Variants in PIAS2 observed in about 807,000 individuals in gnomAD.
PIAS2 encodes E3 SUMO-protein ligase PIAS2.
In PIAS2, 19 loss-of-function variants were observed where a neutral mutation model predicts 69.7. That is an observed-to-expected ratio of 0.27 (90% CI 0.19 to 0.40). PIAS2 has a LOEUF of 0.40. Ranked by LOEUF, PIAS2 falls within the 10% of genes least tolerant of loss-of-function variation. PIAS2 has a pLI of 1.00. For synonymous variants in PIAS2, 261 were observed against 263.2 expected, an observed-to-expected ratio of 0.99 and a Z score of 0.08; for missense variants, 624 against 757.0, an observed-to-expected ratio of 0.82 and a Z score of 2.06.
At chr18:46,916,069 T>A (rs146492009) in intron 1 of PIAS2, among the ~76,000 whole-genome samples, 1 of 152,166 alleles carries the variant, frequency 6.6e-6, no homozygotes, top group African/African-American at 2.4e-5. Flanking sequence ...CATAAACTAG[T>A]ATGGGGCATA....
At chr18:46,872,787 T>C (rs879665147) in intron 2 of PIAS2, among the ~76,000 whole-genome samples, 6 of 152,144 alleles carry the variant, frequency 3.9e-5, no homozygotes, top group Admixed American at 1.3e-4. Context: ...TGACTATGGA[T>C]TGATTAATAT....
chr18:46,841,133 A>C (rs1387376257), intron 8 of PIAS2, among the ~76,000 whole-genome samples: 1 of 152,196 alleles, frequency 6.6e-6, no homozygotes, highest in African/African-American at 2.4e-5. Context: ...TAAAATTCAG[A>C]TATGGTGTTC....
At chr18:46,841,641 C>T (rs1040219607) in intron 8 of PIAS2, among the ~76,000 whole-genome samples, 4 of 152,122 alleles carry the variant, frequency 2.6e-5, no homozygotes, top group African/African-American at 9.7e-5. Flanking sequence ...ACTACTATAG[C>T]CCAAAGAGTA....
chr18:46,859,427 C>CAAAAA (rs55776913), intron 3 of PIAS2, among the ~76,000 whole-genome samples: 18 of 89,554 alleles, frequency 2.0e-4, no homozygotes, highest in African/African-American at 3.0e-4. Context: ...GACTCCGTCT[C>CAAAAA]AAAAAAAAAA....
intron 1 of PIAS2, among the ~76,000 whole-genome samples, chr18:46,905,516 A>G (rs1383399640): frequency 1.3e-5 from 2 of 152,134 alleles, no homozygotes; most frequent in Non-Finnish European, 2.9e-5. Flanking sequence ...AGGATACACT[A>G]AAGAGCATAA....
chr18:46,829,302 T>C (rs1190102733), intron 10 of PIAS2, among the ~76,000 whole-genome samples: 1 of 152,150 alleles, frequency 6.6e-6, no homozygotes, highest in Non-Finnish European at 1.5e-5. Context: ...AACAATTTGT[T>C]TACTTTCTGA....
chr18:46,829,697 C>T, intron 10 of PIAS2, 37 bp downstream of exon 10: 1 of 1,586,684 alleles, frequency 6.3e-7, no homozygotes, highest in Non-Finnish European at 8.6e-7. Context: ...TTGCACGAGT[C>T]TCACTGCTTT....
chr18:46,843,065 AG>A (rs916383839), intron 8 of PIAS2, among the ~76,000 whole-genome samples: 2 of 152,212 alleles, frequency 1.3e-5, no homozygotes, highest in African/African-American at 4.8e-5. Context: ...GAAAAAGAAC[AG>A]GAATATCAGA....
chr18:46,874,417 C>T (rs537941444), intron 2 of PIAS2, among the ~76,000 whole-genome samples: 3 of 152,232 alleles, frequency 2.0e-5, no homozygotes, highest in African/African-American at 7.2e-5. Context: ...GATAATAGAA[C>T]CCACTTCGCT....
intron 3 of PIAS2, among the ~76,000 whole-genome samples, chr18:46,858,145 T>C (rs897817999): frequency 2.0e-5 from 3 of 150,584 alleles, no homozygotes; most frequent in African/African-American, 4.9e-5. Context: ...GTGAACACCA[T>C]AGTTAACCTA....
rs138728595 is a variant in PIAS2, at chr18:46,831,542, T to C, written c.1203-1675A>G. Among the ~76,000 whole-genome samples, 518 of 152,304 alleles carry C rather than the reference T, an allele frequency of 3.4e-3. 1 individual carries two copies. Among genetic ancestry groups the C allele is most frequent in the Middle Eastern group, 0.01 (3 of 294 alleles). On this transcript the variant is annotated intron_variant, in intron 9 of 13. Coordinates refer to ENST00000585916, the MANE Select transcript of PIAS2 (RefSeq NM_004671.5). ...TGCAAAGAATCTACAATAGCCAAGA[T>C]AATTTTGAAAAAGAAGAACAAAGTT...
At chr18:46,852,875 C>T (rs1342838973) in intron 5 of PIAS2, 1 of 152,286 alleles carries the variant, frequency 6.6e-6, no homozygotes, top group Non-Finnish European at 1.5e-5. Flanking sequence ...CACGATGATA[C>T]AGGATAAGCC....
At chr18:46,885,071 G>A (rs2052931975) in intron 2 of PIAS2, among the ~76,000 whole-genome samples, 1 of 152,302 alleles carries the variant, frequency 6.6e-6, no homozygotes, top group East Asian at 1.9e-4. Flanking sequence ...CTTAGCTACA[G>A]AGCACTTTAT....
At position 46,890,977 on chromosome 18, in the gene PIAS2, C is replaced by A; in HGVS notation, c.102G>T (p.Lys34Asn). Residue 34 changes from lysine (K) to asparagine (N), a missense_variant, in exon 2 of 14, where the codon AAG becomes AAT. Lys to Asn is a moderately conservative substitution (Grantham distance 94, BLOSUM62 0). Transcript: ENST00000585916. ...GCAGCGCCCTCATCAGGAGGTCATG[C>A]TTGCGTCCACTTTTATTCCGTCCAG... ...GFAGRNKSGR[K>N]HDLLMRALHL... 6.2e-7 allele frequency: 1 copy of A among 1,614,082 alleles called. No homozygotes were observed. Among genetic ancestry groups the A allele is most frequent in the Non-Finnish European group, 8.5e-7 (1 of 1,180,010 alleles).
Position 46,812,581 on chromosome 18 carries a change from G to A in PIAS2, c.1718C>T (p.Thr573Ile), listed in dbSNP as rs761850734. The change falls in exon 14 of 14, where the codon ACC (threonine) becomes ATC (isoleucine). Residue 573 changes from threonine to isoleucine, a missense_variant. By Grantham distance (89) the Thr-to-Ile change is moderately conservative. Around this residue, in one of 3 missense-constraint regions of PIAS2, gnomAD observed 241 missense variants for 257.3 expected, o/e 0.94. Coordinates refer to ENST00000585916, the MANE Select transcript of PIAS2 (RefSeq NM_004671.5). Reference sequence around the variant, plus strand: ...CGTACTGCTTGCTGTTAAGGGTGAGGTGAGACTATCCAAAAACATAGGAGG... The same window carrying A: ...CGTACTGCTTGCTGTTAAGGGTGAGATGAGACTATCCAAAAACATAGGAGG... ...YCPPMFLDSL[T>I]SPLTASSTSV... is the part of the protein sequence containing the mutation. The A allele has an allele frequency of 6.2e-7, 1 of 1,613,212 alleles. No individual in the cohort carries two copies. Among genetic ancestry groups the A allele is most frequent in the Admixed American group, 1.7e-5 (1 of 60,002 alleles).
At chr18:46,916,245 T>A (rs1365080499) in intron 1 of PIAS2, among the ~76,000 whole-genome samples, 8 of 152,142 alleles carry the variant, frequency 5.3e-5, no homozygotes, top group African/African-American at 1.9e-4. Context: ...CCTTCCCCCA[T>A]CCCATCTCTT....
chr18:46,892,911 T>C (rs1001336829), intron 1 of PIAS2, among the ~76,000 whole-genome samples: 3 of 152,186 alleles, frequency 2.0e-5, no homozygotes, highest in Non-Finnish European at 4.4e-5. Context: ...TGGGATTTTT[T>C]TTATACTAAG....
chr18:46,817,025 T>C (rs1164295100), intron 12 of PIAS2: 2 of 935,258 alleles, frequency 2.1e-6, no homozygotes, highest in Non-Finnish European at 2.5e-6. Context: ...TCAATATTTC[T>C]ATTATTAAGT....
At chr18:46,905,605 A>G (rs1360284021) in intron 1 of PIAS2, among the ~76,000 whole-genome samples, 1 of 152,056 alleles carries the variant, frequency 6.6e-6, no homozygotes, top group African/African-American at 2.4e-5. Context: ...AGAAAAAAAG[A>G]AGGCATTTTA....
Sources: gnomAD v4.1 joint callset for allele counts (sites outside exome capture counted in the v4.1 genomes callset) on GRCh38, gnomAD v4.1.1 for gene constraint, gnomAD v4.1.1 regional missense constraint, MANE v1.5 for transcripts, NCBI Gene and HGNC (gene_info 2026-07-23, HGNC 2026-07-21) for gene names.